The following SDK1 variants were observed in gnomAD, a reference collection of about 807,000 sequenced individuals.
SDK1 encodes sidekick cell adhesion molecule 1, also known as protein sidekick-1.
In SDK1, 157 loss-of-function variants were observed where a neutral mutation model predicts 245.5. That is an observed-to-expected ratio of 0.64 (90% confidence interval 0.56 to 0.73). SDK1 has a LOEUF of 0.73. Ranked by LOEUF, SDK1 falls within the 30% of genes least tolerant of loss-of-function variation. SDK1 has a pLI of 0.00. For synonymous variants in SDK1, 1,647 were observed against 1,278.5 expected (o/e 1.29, Z -6.15); for missense variants, 3,583 against 3,002.3 (o/e 1.19, Z -4.52).
intron 1 of SDK1, among the ~76,000 whole-genome samples, chr7:3,516,919 G>C (rs1027406627): frequency 2.6e-5 from 4 of 152,110 alleles, no homozygotes; most frequent in Non-Finnish European, 5.9e-5. Context: ...GTGCCATGTT[G>C]GGTCAGATCT....
At chr7:4,255,615 C>G (rs144186405) in intron 44 of SDK1, among the ~76,000 whole-genome samples, 8 of 152,272 alleles carry the variant, frequency 5.3e-5, no homozygotes, top group African/African-American at 1.2e-4. Context: ...GTACTCTTGG[C>G]CATCTCTGCC....
intron 1 of SDK1, among the ~76,000 whole-genome samples, chr7:3,605,218 C>A (rs1279017785): frequency 6.6e-6 from 1 of 151,518 alleles, no homozygotes; most frequent in East Asian, 1.9e-4. Context: ...GTGGTTTTGG[C>A]ATTTGAAAGA....
intron 31 of SDK1, among the ~76,000 whole-genome samples, chr7:4,160,484 GT>G (rs1781044119): frequency 1.3e-5 from 2 of 152,224 alleles, no homozygotes; most frequent in African/African-American, 4.8e-5. Context: ...GGGATGTGCA[GT>G]TTCTCTTTGC....
intron 1 of SDK1, among the ~76,000 whole-genome samples, chr7:3,466,976 C>G (rs563513576): frequency 3.8e-4 from 43 of 113,532 alleles, no homozygotes; most frequent in African/African-American, 1.6e-3. Flanking sequence ...TCCTCTCTCT[C>G]TCTACACACA....
chr7:3,694,859 T>G (rs1163190667), intron 4 of SDK1, among the ~76,000 whole-genome samples: 4 of 152,192 alleles, frequency 2.6e-5, no homozygotes, highest in Non-Finnish European at 5.9e-5. Context: ...GAAAATGATT[T>G]GTTCTGTGGA....
rs1185061736 is a variant in SDK1 at position 4,145,741 on chromosome 7, C to A, written c.4248C>A (p.Arg1416=). Residue 1416 remains arginine (R), a synonymous_variant, in exon 29 of 45, where the codon CGC becomes CGA. Transcript: ENST00000404826. ...GIILGYQIAY[R]LASSSPHTFT... is the part of the protein sequence containing the mutation. ...CTGCAGGGTACCAGATTGCCTACCG[C>A]CTGGCCAGCAGCAGCCCCCACACCT... is the stretch of plus-strand genomic sequence containing the variant. 2 of 1,609,518 alleles carry A rather than the reference C, an allele frequency of 1.2e-6. No individual in the cohort carries two copies. The highest frequency in any genetic ancestry group is 8.5e-7 in the Non-Finnish European group (1 of 1,177,984).
At chr7:3,760,582 C>T (rs1780068833) in intron 4 of SDK1, among the ~76,000 whole-genome samples, 2 of 152,234 alleles carry the variant, frequency 1.3e-5, no homozygotes, top group South Asian at 2.1e-4. Context: ...AAAACATTTT[C>T]CTCAGAATAA....
chr7:3,701,133 C>G (rs1401487009), intron 4 of SDK1, among the ~76,000 whole-genome samples: 1 of 152,112 alleles, frequency 6.6e-6, no homozygotes, highest in Non-Finnish European at 1.5e-5. Flanking sequence ...ATACAAAAAT[C>G]AATCACATTT....
chr7:3,905,997 C>T lies in SDK1; in HGVS notation c.848-44926C>T, dbSNP rs112545491. ...CACTTGTTTTGGTCTCCTTCTAGAACTCCGATTTAAGCATATTTGCATCTT... is the reference window on the plus strand; with the variant it reads ...CACTTGTTTTGGTCTCCTTCTAGAATTCCGATTTAAGCATATTTGCATCTT... On this transcript the variant is annotated intron_variant, in intron 5 of 44. Transcript: ENST00000404826. 3.3e-5 allele frequency among the ~76,000 whole-genome samples: 5 copies of T among 152,200 alleles called. 1 individual carries two copies. The highest frequency in any genetic ancestry group is 1.2e-4 in the African/African-American group (5 of 41,524).
At position 4,267,395 on chromosome 7, in the gene SDK1, A is replaced by C; in HGVS notation, c.*2011A>C. The C allele has an allele frequency of 1.0e-6, 1 of 984,758 alleles. No homozygotes were observed. Among genetic ancestry groups the C allele is most frequent in the Non-Finnish European group, 1.2e-6 (1 of 829,822 alleles). The allele number at this position is 984,758 out of a possible 1,614,324, so 61.0% of individuals were successfully genotyped here. A position where few individuals can be genotyped will look rare whatever the true frequency, so the allele number is the denominator to read the frequency against. On this transcript the variant is annotated 3_prime_UTR_variant, in exon 45 of 45. Transcript: ENST00000404826. ...GAGGGGGAAATATTCTAAACCAAAA[A>C]TCCTAGATGCTCTGCCCAAAGCCAC...
At chr7:3,809,127 G>A (rs531944324) in intron 4 of SDK1, among the ~76,000 whole-genome samples, 61 of 152,234 alleles carry the variant, frequency 4.0e-4, no homozygotes, top group African/African-American at 1.4e-3. Context: ...ACCTGGGGAG[G>A]CCTCAGGAAG....
intron 4 of SDK1, among the ~76,000 whole-genome samples, chr7:3,791,919 T>G (rs1456763636): frequency 1.3e-5 from 2 of 151,456 alleles, no homozygotes; most frequent in African/African-American, 4.9e-5. Flanking sequence ...AGCCCAGGAG[T>G]TTGAAACCAG....
chr7:4,267,445 A>C lies in SDK1; in HGVS notation c.*2061A>C. ...CTTCTGCATGAGAATCGCAACCCAC[A>C]GTTCCCCGGATGAGACTCACCACAG... On this transcript the variant is annotated 3_prime_UTR_variant, in exon 45 of 45. Transcript: ENST00000404826. 1 of 985,428 alleles carries C rather than the reference A, an allele frequency of 1.0e-6. No homozygotes were observed. Among genetic ancestry groups the C allele is most frequent in the Non-Finnish European group, 1.2e-6 (1 of 829,982 alleles). 61.0% of individuals were successfully genotyped at this position (985,428 alleles called of 1,614,324 possible).
intron 44 of SDK1, among the ~76,000 whole-genome samples, chr7:4,257,077 T>C (rs888816947): frequency 4.6e-5 from 7 of 152,222 alleles, no homozygotes; most frequent in African/African-American, 1.7e-4. Context: ...CTGAATGATA[T>C]CTGCCGTTCA....
chr7:3,837,816 C>T (rs1438360260), intron 5 of SDK1, among the ~76,000 whole-genome samples: 2 of 152,178 alleles, frequency 1.3e-5, no homozygotes, highest in Admixed American at 1.3e-4. Context: ...TGGCTGGATG[C>T]TACTGTATTG....
chr7:3,828,951 CCCA>C (rs1384009217), intron 5 of SDK1, among the ~76,000 whole-genome samples: 1 of 151,944 alleles, frequency 6.6e-6, no homozygotes, highest in Non-Finnish European at 1.5e-5. Context: ...GCTACTGAAC[CCCA>C]CCAAGATTGA....
At chr7:3,511,532 A>G (rs979457613) in intron 1 of SDK1, among the ~76,000 whole-genome samples, 1 of 151,952 alleles carries the variant, frequency 6.6e-6, no homozygotes, top group Non-Finnish European at 1.5e-5. Flanking sequence ...AAATTGTCAG[A>G]CTCTGTTAAA....
chr7:3,852,943 T>C (rs901367622), intron 5 of SDK1, among the ~76,000 whole-genome samples: 2 of 152,038 alleles, frequency 1.3e-5, no homozygotes, highest in Non-Finnish European at 2.9e-5. Context: ...TGTTACCTTA[T>C]GGTCAAACTA....
intron 4 of SDK1, among the ~76,000 whole-genome samples, chr7:3,751,373 G>A (rs932967498): frequency 7.2e-6 from 1 of 139,742 alleles, no homozygotes; most frequent in Non-Finnish European, 1.5e-5. Context: ...CTGCTGCGTC[G>A]CCCTCTCCAA....
Sources: gnomAD v4.1 joint callset for allele counts (sites outside exome capture counted in the v4.1 genomes callset) on GRCh38, gnomAD v4.1.1 for gene constraint, MANE v1.5 for transcripts, NCBI Gene and HGNC (gene_info 2026-07-23, HGNC 2026-07-21) for gene names.